Variants in CLVS1 observed in about 807,000 individuals in gnomAD.
CLVS1 encodes clavesin-1.
In CLVS1, 10 loss-of-function variants were observed where a neutral mutation model predicts 33.1. The ratio of observed to expected loss-of-function variants is 0.30; its 90% CI spans 0.19 to 0.51. CLVS1 has a LOEUF of 0.51. Among genes scored for constraint, CLVS1 ranks in the 20% least tolerant of loss-of-function variants. The pLI is 0.97. For missense variants in CLVS1, 343 were observed against 433.4 expected (o/e 0.79, Z 1.85); for synonymous variants, 163 against 166.1 (o/e 0.98, Z 0.14).
At position 61,501,377 on chromosome 8, in the gene CLVS1, T is replaced by A. The variant is rs1443065904; in HGVS notation, c.*1835T>A. The A allele has an allele frequency of 6.6e-6, 1 of 152,194 alleles. No homozygotes were observed. Among genetic ancestry groups the A allele is most frequent in the Non-Finnish European group, 1.5e-5 (1 of 68,008 alleles). 9.4% of individuals were successfully genotyped at this position (152,194 alleles called of 1,614,324 possible). A position where few individuals can be genotyped will look rare whatever the true frequency, so the allele number is the denominator to read the frequency against. ...ATTGGCAATACTTAGAACCTTACTG[T>A]AGTGACCTGATTTTAAATACCATAT... On this transcript the variant is annotated 3_prime_UTR_variant, in exon 6 of 6. Transcript: ENST00000325897.
intron 2 of CLVS1, among the ~76,000 whole-genome samples, chr8:61,180,437 T>C (rs1807206261): frequency 6.6e-6 from 1 of 152,144 alleles, no homozygotes; most frequent in Non-Finnish European, 1.5e-5. Context: ...CCATTCCTAC[T>C]GAAACTACTG....
the CLVS1 span, among the ~76,000 whole-genome samples, chr8:60,970,504 T>C: frequency 3.3e-5 from 5 of 152,264 alleles, no homozygotes; most frequent in Non-Finnish European, 5.9e-5. Context: ...ACCTTATGTG[T>C]CTGAAAATTT....
chr8:61,347,625 ATTATATATAT>A (rs1812266506), intron 2 of CLVS1, among the ~76,000 whole-genome samples: 1 of 94,978 alleles, frequency 1.1e-5, no homozygotes, highest in Non-Finnish European at 2.0e-5. Flanking sequence ...TGGCCATTCC[ATTATATATAT>A]ATATATATAT....
Position 61,180,719 on chromosome 8 carries a change from A to G in CLVS1, c.-152+48859A>G, listed in dbSNP as rs534953689. ...TCAATAAACGTAATCCATCACATAA[A>G]CGAACCAAAGACAGAAACCATATGA... On this transcript the variant is annotated intron_variant, in intron 2 of 2. Transcript: ENST00000522621. Among the ~76,000 whole-genome samples, 5 of 152,348 alleles carry G rather than the reference A, an allele frequency of 3.3e-5. No individual in the cohort carries two copies. In the East Asian group the frequency reaches 9.6e-4, roughly 29 times the overall value.
At chr8:61,385,748 G>C (rs1457875135) in intron 3 of CLVS1, among the ~76,000 whole-genome samples, 3 of 152,168 alleles carry the variant, frequency 2.0e-5, no homozygotes, top group Admixed American at 1.3e-4. Flanking sequence ...AGTGAAGACT[G>C]AAAGTTTCAG....
At chr8:61,430,167 A>G (rs1353884190) in intron 3 of CLVS1, among the ~76,000 whole-genome samples, 4 of 152,212 alleles carry the variant, frequency 2.6e-5, no homozygotes, top group African/African-American at 7.2e-5. Context: ...AAATACACAA[A>G]TAAGTGTGTC....
At chr8:61,220,336 T>C (rs1331088380) in intron 2 of CLVS1, among the ~76,000 whole-genome samples, 1 of 152,132 alleles carries the variant, frequency 6.6e-6, no homozygotes, top group African/African-American at 2.4e-5. Context: ...AATTTTTGTA[T>C]AAGGTGTAAG....
chr8:61,017,642 C>T, the CLVS1 span, among the ~76,000 whole-genome samples: 1 of 152,228 alleles, frequency 6.6e-6, no homozygotes, highest in Non-Finnish European at 1.5e-5. Flanking sequence ...CTGGTGCTGG[C>T]CTCCAGGTCC....
chr8:61,337,865 A>C (rs749496067), intron 2 of CLVS1, among the ~76,000 whole-genome samples: 1 of 152,236 alleles, frequency 6.6e-6, no homozygotes, highest in African/African-American at 2.4e-5. Flanking sequence ...ACTAGAAAAC[A>C]TCTTCTTTAT....
At chr8:60,995,035 C>T in the CLVS1 span, among the ~76,000 whole-genome samples, 16 of 151,854 alleles carry the variant, frequency 1.1e-4, no homozygotes, top group East Asian at 1.9e-4. Context: ...AAGACTTAAA[C>T]GTTAGACCTA....
chr8:61,012,444 G>A, the CLVS1 span, among the ~76,000 whole-genome samples: 1 of 152,238 alleles, frequency 6.6e-6, no homozygotes, highest in African/African-American at 2.4e-5. Context: ...AATGAGAAAT[G>A]GAAACATTAG....
upstream of CLVS1, among the ~76,000 whole-genome samples, chr8:61,053,635 G>C (rs1030280705): frequency 6.6e-6 from 1 of 152,082 alleles, no homozygotes; most frequent in Non-Finnish European, 1.5e-5. Context: ...CTCCTCCCCT[G>C]GTCACAGAGA....
chr8:60,986,207 C>T, the CLVS1 span, among the ~76,000 whole-genome samples: 1 of 152,226 alleles, frequency 6.6e-6, no homozygotes, highest in East Asian at 1.9e-4. Flanking sequence ...AGACTTGCCA[C>T]TTTGTTTCTA....
chr8:60,994,191 C>T, the CLVS1 span, among the ~76,000 whole-genome samples: 21 of 152,206 alleles, frequency 1.4e-4, no homozygotes, highest in African/African-American at 5.1e-4. Context: ...TGTATCTTCA[C>T]GTGGTCCTTC....
At chr8:61,178,560 T>C (rs1293430875) in intron 2 of CLVS1, among the ~76,000 whole-genome samples, 2 of 151,684 alleles carry the variant, frequency 1.3e-5, no homozygotes, top group African/African-American at 4.8e-5. Context: ...TTCTCCACGG[T>C]TGAAATGAAG....
At chr8:61,468,425 A>G (rs2129607607) in intron 5 of CLVS1, among the ~76,000 whole-genome samples, 1 of 152,346 alleles carries the variant, frequency 6.6e-6, no homozygotes, top group Non-Finnish European at 1.5e-5. Flanking sequence ...AAGTTCTACA[A>G]GGAAAAAAGC....
intron 5 of CLVS1, among the ~76,000 whole-genome samples, chr8:61,476,238 C>A: frequency 6.6e-6 from 1 of 152,148 alleles, no homozygotes; most frequent in Non-Finnish European, 1.5e-5. Flanking sequence ...CGTGATGCCT[C>A]CAACTTTGTT....
Position 61,458,369 on chromosome 8 carries a change from C to A in CLVS1, c.804C>A (p.Pro268=). ...AGCTAATACACCCTGAATTTTTGCC[C>A]TCTGAATTTGGAGGAACTCTTCCTC... ...LHQLIHPEFL[P]SEFGGTLPPY... Residue 268 remains proline, a synonymous_variant, in exon 5 of 6, where the codon CCC becomes CCA. Transcript: ENST00000325897. 1 of 1,614,080 alleles carries A rather than the reference C, an allele frequency of 6.2e-7. No individual in the cohort carries two copies. Among genetic ancestry groups the A allele is most frequent in the Non-Finnish European group, 8.5e-7 (1 of 1,179,988 alleles).
intron 2 of CLVS1, among the ~76,000 whole-genome samples, chr8:61,314,155 G>C (rs942668178): frequency 6.6e-6 from 1 of 152,170 alleles, no homozygotes. Context: ...CTTGGGGAAG[G>C]GAAGCTTTGT....
Sources: allele counts gnomAD v4.1 joint callset (sites outside exome capture counted in the v4.1 genomes callset), GRCh38; gene constraint gnomAD v4.1.1; transcripts MANE v1.5; gene names NCBI Gene and HGNC (gene_info 2026-07-23, HGNC 2026-07-21).